ARAP2: variants seen among roughly 807,000 people sequenced by gnomAD.
ARAP2 encodes ArfGAP with RhoGAP domain, ankyrin repeat and PH domain 2, also known as arf-GAP with Rho-GAP domain, ANK repeat and PH domain-containing protein 2.
A neutral mutation model predicts 194.5 loss-of-function variants in ARAP2; 148 were observed. The observed-to-expected ratio is 0.76, with a 90% CI of 0.67 to 0.87. The LOEUF (loss-of-function observed/expected upper bound fraction) is 0.87. ARAP2 is among the 40% of genes least tolerant of loss of function. The pLI is 0.00. For synonymous variants in ARAP2, 695 were observed against 683.5 expected (o/e 1.02, Z -0.26); for missense variants, 2,128 against 1,989.7 (o/e 1.07, Z -1.32).
In ARAP2 at chr4:36,158,744, T is replaced by A; in HGVS notation, c.2738A>T (p.Lys913Ile). The A allele has an allele frequency of 6.2e-7, 1 of 1,604,108 alleles. No individual in the cohort carries two copies. Among genetic ancestry groups the A allele is most frequent in the Non-Finnish European group, 8.5e-7 (1 of 1,177,252 alleles). The part of the protein sequence containing the change: ...PSAASKLSSE[K>I]KLLEETNKKW... The stretch of plus-strand genomic sequence containing the variant: ...AGAAAAAATACCTTCAAGCAGTTTT[T>A]TCTCTGAAGAGAGTTTAGAAGCAGC... Residue 913 changes from lysine (K) to isoleucine (I), a missense_variant, in exon 15 of 33, where the codon AAA (lysine) becomes ATA (isoleucine). Physicochemically the swap from Lys to Ile is moderately radical, Grantham distance 102. Transcript: ENST00000303965.
intron 27 of ARAP2, among the ~76,000 whole-genome samples, chr4:36,095,316 T>G (rs1714857056): frequency 6.6e-6 from 1 of 152,178 alleles, no homozygotes; most frequent in Non-Finnish European, 1.5e-5. Flanking sequence ...TTTTAGCATG[T>G]TCTAAATGGC....
chr4:36,039,025 A>G (rs902819790), intron 5 of ARAP2, among the ~76,000 whole-genome samples: 1 of 152,200 alleles, frequency 6.6e-6, no homozygotes, highest in Middle Eastern at 3.2e-3. Flanking sequence ...TTAAATAATT[A>G]TCATTTCTTT....
At chr4:36,035,721 T>C (rs1160304326) in intron 5 of ARAP2, among the ~76,000 whole-genome samples, 5 of 152,302 alleles carry the variant, frequency 3.3e-5, no homozygotes, top group East Asian at 1.9e-4. Flanking sequence ...TTAAGAAATA[T>C]TTTATTCACT....
At chr4:36,090,978 G>A (rs1406377261) in intron 28 of ARAP2, among the ~76,000 whole-genome samples, 1 of 152,058 alleles carries the variant, frequency 6.6e-6, no homozygotes, top group African/African-American at 2.4e-5. Context: ...AATCCCTGGA[G>A]GTGGGGCCTG....
At chr4:36,010,836 G>A (rs538057821) in intron 9 of ARAP2, among the ~76,000 whole-genome samples, 6 of 152,114 alleles carry the variant, frequency 3.9e-5, no homozygotes, top group Non-Finnish European at 8.8e-5. Flanking sequence ...TGTGGGCGGA[G>A]CAGTTTGACT....
At chr4:36,165,574 CTT>C (rs879852549) in intron 10 of ARAP2, among the ~76,000 whole-genome samples, 1 of 144,164 alleles carries the variant, frequency 6.9e-6, no homozygotes. Context: ...AGAATAGATT[CTT>C]TTTTTTTTTT....
intron 26 of ARAP2, among the ~76,000 whole-genome samples, chr4:36,108,341 G>A (rs540628744): frequency 6.6e-6 from 1 of 152,012 alleles, no homozygotes; most frequent in South Asian, 2.1e-4. Context: ...ATAATCCTTT[G>A]TTTATCCCAA....
At chr4:36,160,141 T>A in intron 13 of ARAP2, 4 of 1,008,410 alleles carry the variant, frequency 4.0e-6, no homozygotes, top group Non-Finnish European at 4.7e-6. Flanking sequence ...CCTCTACATC[T>A]CTTCTCATCC....
chr4:36,141,863 T>G (rs190663681), intron 19 of ARAP2, among the ~76,000 whole-genome samples: 4 of 151,810 alleles, frequency 2.6e-5, no homozygotes, highest in Non-Finnish European at 5.9e-5. Context: ...AGCCACAATT[T>G]TATCTGTCAC....
chr4:36,156,397 A>G (rs1374212450), intron 15 of ARAP2, among the ~76,000 whole-genome samples: 412 of 14,688 alleles, frequency 0.028, 40 homozygotes, highest in Non-Finnish European at 0.033. Flanking sequence ...GAGAGAAAGA[A>G]AGAAAGAAAG....
intron 16 of ARAP2, among the ~76,000 whole-genome samples, chr4:36,149,889 CCTTT>C (rs1730548840): frequency 6.6e-6 from 1 of 152,056 alleles, no homozygotes; most frequent in East Asian, 1.9e-4. Context: ...AAATCTCTTT[CCTTT>C]CTCATATAAA....
intron 2 of ARAP2, among the ~76,000 whole-genome samples, chr4:36,220,936 G>C (rs143658709): frequency 2.2e-4 from 34 of 151,830 alleles, no homozygotes; most frequent in African/African-American, 7.5e-4. Flanking sequence ...AAGTGTACAG[G>C]GTCTATAACG....
chr4:36,019,875 A>G (rs1716585807), intron 5 of ARAP2, among the ~76,000 whole-genome samples: 1 of 152,158 alleles, frequency 6.6e-6, no homozygotes, highest in African/African-American at 2.4e-5. Flanking sequence ...GTCTCTCCTT[A>G]TGCAAGAGAG....
At chr4:36,060,587 C>T (rs1193318521) in intron 1 of ARAP2, among the ~76,000 whole-genome samples, 1 of 152,084 alleles carries the variant, frequency 6.6e-6, no homozygotes, top group Non-Finnish European at 1.5e-5. Context: ...CAAATTAACA[C>T]AAAAACGTGA....
chr4:36,164,617 G>A (rs780839216), intron 11 of ARAP2, among the ~76,000 whole-genome samples: 10 of 152,062 alleles, frequency 6.6e-5, no homozygotes, highest in Non-Finnish European at 1.0e-4. Context: ...GCTTCTTCAG[G>A]ATCCATACTA....
chr4:36,041,541 C>T (rs528614433), intron 5 of ARAP2, among the ~76,000 whole-genome samples: 27 of 152,056 alleles, frequency 1.8e-4, no homozygotes, highest in African/African-American at 5.1e-4. Flanking sequence ...CAGATGCTGA[C>T]GAGTTTGTGG....
intron 5 of ARAP2, among the ~76,000 whole-genome samples, chr4:36,030,418 C>T (rs1718728105): frequency 6.6e-6 from 1 of 151,968 alleles, no homozygotes; most frequent in Non-Finnish European, 1.5e-5. Context: ...TCCATGTGCA[C>T]CATGTATCCT....
At chr4:36,209,961 T>TGGAAA (rs1746368670) in intron 6 of ARAP2, among the ~76,000 whole-genome samples, 1 of 152,176 alleles carries the variant, frequency 6.6e-6, no homozygotes, top group African/African-American at 2.4e-5. Context: ...AGATGTACTT[T>TGGAAA]TCCCTAACAA....
intron 5 of ARAP2, among the ~76,000 whole-genome samples, chr4:36,035,226 G>C (rs1324100101): frequency 6.6e-6 from 1 of 151,866 alleles, no homozygotes; most frequent in East Asian, 1.9e-4. Flanking sequence ...TCTTTTGGTG[G>C]GTAGGCTATT....
Sources: allele counts gnomAD v4.1 joint callset (sites outside exome capture counted in the v4.1 genomes callset), GRCh38; gene constraint gnomAD v4.1.1; transcripts MANE v1.5; gene names NCBI Gene and HGNC (gene_info 2026-07-23, HGNC 2026-07-21).